Variants in FHOD3 observed in about 807,000 individuals in gnomAD.
The protein encoded by FHOD3 is formin homology 2 domain containing 3.
FHOD3 carries 90 observed loss-of-function variants against 173.0 expected under a neutral mutation model. The observed-to-expected ratio is 0.52, with a 90% CI of 0.44 to 0.62. The LOEUF is 0.62. Ranked by LOEUF, FHOD3 falls within the 20% of genes least tolerant of loss-of-function variation. The pLI is 0.00. For missense variants in FHOD3, 1,945 were observed against 2,034.7 expected, an observed-to-expected ratio of 0.96 and a Z score of 0.85; for synonymous variants, 828 against 823.0, an observed-to-expected ratio of 1.01 and a Z score of -0.10.
At chr18:36,467,693 C>A (rs559923669) in intron 3 of FHOD3, among the ~76,000 whole-genome samples, 19 of 152,222 alleles carry the variant, frequency 1.2e-4, no homozygotes, top group African/African-American at 4.3e-4. Flanking sequence ...ACCCTAGGAC[C>A]GTTGAAGAGC....
At chr18:36,761,566 C>G (rs998765218) in intron 27 of FHOD3, among the ~76,000 whole-genome samples, 3 of 152,120 alleles carry the variant, frequency 2.0e-5, no homozygotes, top group Non-Finnish European at 4.4e-5. Flanking sequence ...CTTCTCCGCA[C>G]GCTGCTCGTC....
intron 14 of FHOD3, 51 bp downstream of exon 14, chr18:36,658,239 T>C (rs1568562761): frequency 7.8e-7 from 1 of 1,287,528 alleles, no homozygotes; most frequent in Non-Finnish European, 1.1e-6. Flanking sequence ...GTGAGGGGAA[T>C]CAATTTGGTT....
At chr18:36,575,452 T>TA (rs952053362) in intron 5 of FHOD3, among the ~76,000 whole-genome samples, 1 of 152,204 alleles carries the variant, frequency 6.6e-6, no homozygotes, top group African/African-American at 2.4e-5. Context: ...TTGTAATGCA[T>TA]AAAAAAAGAA....
At chr18:36,534,133 G>A (rs1011317084) in intron 5 of FHOD3, among the ~76,000 whole-genome samples, 2 of 152,286 alleles carry the variant, frequency 1.3e-5, no homozygotes, top group East Asian at 3.9e-4. Context: ...AATGTGGGAC[G>A]TGCAGCCAAC....
intron 2 of FHOD3, among the ~76,000 whole-genome samples, chr18:36,359,587 T>G (rs2046513409): frequency 6.6e-6 from 1 of 152,160 alleles, no homozygotes; most frequent in Non-Finnish European, 1.5e-5. Context: ...TTGTAACATT[T>G]ATTTACAGAA....
chr18:36,555,798 C>T (rs1018850320), intron 5 of FHOD3, among the ~76,000 whole-genome samples: 4 of 152,170 alleles, frequency 2.6e-5, no homozygotes, highest in African/African-American at 9.7e-5. Context: ...TGACATTCTT[C>T]ATCTCTGGCA....
At chr18:36,752,964 A>G (rs560649036) in intron 24 of FHOD3, among the ~76,000 whole-genome samples, 2 of 152,314 alleles carry the variant, frequency 1.3e-5, no homozygotes, top group South Asian at 4.1e-4. Context: ...TATATCTAAT[A>G]TATAATGTCA....
chr18:36,373,869 A>G (rs1246085890), intron 3 of FHOD3, among the ~76,000 whole-genome samples: 1 of 152,144 alleles, frequency 6.6e-6, no homozygotes, highest in Admixed American at 6.5e-5. Context: ...CAGTGATTTC[A>G]TATGTATAAA....
At chr18:36,474,449 T>C (rs972384620) in intron 3 of FHOD3, among the ~76,000 whole-genome samples, 4 of 152,176 alleles carry the variant, frequency 2.6e-5, no homozygotes, top group Admixed American at 1.3e-4. Flanking sequence ...TGGCTTCTGT[T>C]TGGGCCATGC....
chr18:36,492,044 C>G (rs1003392295), intron 3 of FHOD3, among the ~76,000 whole-genome samples: 3 of 152,172 alleles, frequency 2.0e-5, no homozygotes, highest in Non-Finnish European at 4.4e-5. Context: ...TTGGGTTTAG[C>G]TAACCTGTAA....
chr18:36,604,064 C>T (rs1266941391), intron 8 of FHOD3, among the ~76,000 whole-genome samples: 3 of 152,184 alleles, frequency 2.0e-5, no homozygotes, highest in Non-Finnish European at 4.4e-5. Flanking sequence ...GTCCTTGGTG[C>T]TCTTCCTCAG....
chr18:36,582,625 A>G (rs1334758033), intron 6 of FHOD3, among the ~76,000 whole-genome samples: 2 of 152,212 alleles, frequency 1.3e-5, no homozygotes, highest in African/African-American at 4.8e-5. Flanking sequence ...TTACCATGTG[A>G]ACCCTGTCCA....
chr18:36,346,109 T>C (rs1023426311), intron 1 of FHOD3, among the ~76,000 whole-genome samples: 7 of 152,224 alleles, frequency 4.6e-5, no homozygotes, highest in African/African-American at 1.7e-4. Flanking sequence ...CTCATGCCTG[T>C]AATCCCAGCA....
At chr18:36,402,506 T>TACAC (rs146120105) in intron 3 of FHOD3, among the ~76,000 whole-genome samples, 18,438 of 143,846 alleles carry the variant, frequency 0.13, 1,308 homozygotes, top group East Asian at 0.26. Context: ...GATGCAATTA[T>TACAC]ACACACACAC....
intron 3 of FHOD3, among the ~76,000 whole-genome samples, chr18:36,387,061 C>A (rs1460970814): frequency 6.6e-6 from 1 of 152,084 alleles, no homozygotes; most frequent in Non-Finnish European, 1.5e-5. Context: ...GCTTAGGAGC[C>A]AAAAATACCC....
intron 3 of FHOD3, among the ~76,000 whole-genome samples, chr18:36,423,651 C>T (rs568372058): frequency 6.6e-6 from 1 of 152,238 alleles, no homozygotes; most frequent in South Asian, 2.1e-4. Flanking sequence ...GTCGAAGCAC[C>T]ATGTGTCAAC....
intron 6 of FHOD3, among the ~76,000 whole-genome samples, chr18:36,578,130 A>G (rs1228644289): frequency 6.6e-6 from 1 of 152,192 alleles, no homozygotes; most frequent in African/African-American, 2.4e-5. Context: ...GGGTCCCTGA[A>G]AAGCATATTG....
intron 9 of FHOD3, among the ~76,000 whole-genome samples, chr18:36,624,237 C>G (rs989203122): frequency 1.2e-4 from 18 of 152,138 alleles, no homozygotes; most frequent in Non-Finnish European, 2.1e-4. Flanking sequence ...ACCCTAGATG[C>G]TTTACACAAG....
chr18:36,650,385 CG>C (rs1280421378), intron 11 of FHOD3, among the ~76,000 whole-genome samples: 1 of 152,060 alleles, frequency 6.6e-6, no homozygotes, highest in Non-Finnish European at 1.5e-5. Flanking sequence ...CTGCCATGCC[CG>C]GGGGTCATAG....
Sources: gnomAD v4.1 joint callset for allele counts (sites outside exome capture counted in the v4.1 genomes callset) on GRCh38, gnomAD v4.1.1 for gene constraint, MANE v1.5 for transcripts, NCBI Gene and HGNC (gene_info 2026-07-23, HGNC 2026-07-21) for gene names.